Variants in SLC1A2 observed in about 807,000 individuals in gnomAD.
SLC1A2 encodes the protein excitatory amino acid transporter 2.
Under a neutral mutation model 48.8 loss-of-function variants are expected in SLC1A2, and 15 were observed. The observed-to-expected ratio is 0.31, with a 90% CI of 0.21 to 0.47. The LOEUF (loss-of-function observed/expected upper bound fraction) is 0.47, where lower values mean the gene tolerates loss of function less well. SLC1A2 is among the 20% of genes least tolerant of loss of function. The pLI, the probability that SLC1A2 is intolerant of heterozygous loss-of-function variation, is 0.99. For missense variants in SLC1A2, 502 were observed against 730.5 expected (o/e 0.69, Z 3.61); for synonymous variants, 279 against 272.6 (o/e 1.02, Z -0.23).
chr11:35,403,868 T>C (rs1283331835), intron 1 of SLC1A2, among the ~76,000 whole-genome samples: 3 of 152,262 alleles, frequency 2.0e-5, no homozygotes, highest in African/African-American at 7.2e-5. Flanking sequence ...AGAATCCTGA[T>C]TTTCCTGTTC....
intron 4 of SLC1A2, among the ~76,000 whole-genome samples, chr11:35,311,891 AGGGAGG>A (rs1289313274): frequency 1.0e-4 from 7 of 69,052 alleles, no homozygotes; most frequent in Middle Eastern, 0.013. Context: ...AGAGAGAGAG[AGGGAGG>A]GAGAGAGAGA....
At chr11:35,318,697 A>ACC (rs1177171358) in intron 1 of SLC1A2, among the ~76,000 whole-genome samples, 1 of 152,182 alleles carries the variant, frequency 6.6e-6, no homozygotes, top group East Asian at 1.9e-4. Flanking sequence ...TGGGGTGTAG[A>ACC]AAGAAATGCC....
intron 1 of SLC1A2, among the ~76,000 whole-genome samples, chr11:35,346,928 A>C (rs147215812): frequency 2.6e-5 from 4 of 152,370 alleles, no homozygotes; most frequent in Admixed American, 6.5e-5. Flanking sequence ...TCTGTAGGCA[A>C]GGAGCTGGGA....
intron 1 of SLC1A2, among the ~76,000 whole-genome samples, chr11:35,407,750 T>C (rs1430901804): frequency 3.3e-5 from 5 of 152,196 alleles, no homozygotes; most frequent in Admixed American, 3.3e-4. Context: ...TCAAGTCACC[T>C]GCTCACTCTT....
At chr11:35,378,137 C>T (rs1200061278) in intron 1 of SLC1A2, among the ~76,000 whole-genome samples, 1 of 152,250 alleles carries the variant, frequency 6.6e-6, no homozygotes, top group Non-Finnish European at 1.5e-5. Context: ...TGCCTCCCAT[C>T]CCAAAAGCCC....
chr11:35,356,996 C>T (rs536853484), intron 1 of SLC1A2, among the ~76,000 whole-genome samples: 18 of 152,070 alleles, frequency 1.2e-4, no homozygotes, highest in African/African-American at 1.9e-4. Flanking sequence ...AATCCCAGCA[C>T]GCTGGGAGGT....
chr11:35,354,334 C>G (rs988278814), intron 1 of SLC1A2, among the ~76,000 whole-genome samples: 1 of 152,002 alleles, frequency 6.6e-6, no homozygotes, highest in African/African-American at 2.4e-5. Flanking sequence ...ATGGTGCACA[C>G]CTGGAGTCCC....
At chr11:35,344,356 A>G (rs1380427562) in intron 1 of SLC1A2, among the ~76,000 whole-genome samples, 1 of 152,224 alleles carries the variant, frequency 6.6e-6, no homozygotes, top group Non-Finnish European at 1.5e-5. Flanking sequence ...TACAGTGACC[A>G]TGTGGATCTT....
chr11:35,277,356 T>C (rs1405527235), intron 9 of SLC1A2, among the ~76,000 whole-genome samples: 1 of 152,228 alleles, frequency 6.6e-6, no homozygotes, highest in Non-Finnish European at 1.5e-5. Flanking sequence ...CTGCTGTGCA[T>C]CAGGCAAAAG....
chr11:35,286,356 G>A (rs1487281870), intron 8 of SLC1A2: 1 of 155,514 alleles, frequency 6.4e-6, no homozygotes, highest in African/African-American at 2.4e-5. Flanking sequence ...AGCTGATGTT[G>A]GCCTCAGTTA....
At chr11:35,400,880 G>A (rs1423383450) in intron 1 of SLC1A2, among the ~76,000 whole-genome samples, 1 of 152,184 alleles carries the variant, frequency 6.6e-6, no homozygotes, top group Non-Finnish European at 1.5e-5. Flanking sequence ...CAAGGGGGTT[G>A]GGCTATGGCT....
chr11:35,374,199 G>T, intron 1 of SLC1A2: 1 of 492,514 alleles, frequency 2.0e-6, no homozygotes, highest in Non-Finnish European at 3.6e-6. Flanking sequence ...AGCCTCCCTC[G>T]CTCTGTGACT....
intron 1 of SLC1A2, among the ~76,000 whole-genome samples, chr11:35,386,234 C>G (rs2135222542): frequency 6.6e-6 from 1 of 152,100 alleles, no homozygotes; most frequent in East Asian, 1.9e-4. Context: ...TGAACCTTAA[C>G]CATGTTCCCT....
intron 4 of SLC1A2, among the ~76,000 whole-genome samples, chr11:35,309,239 T>A (rs576810296): frequency 1.3e-5 from 2 of 152,246 alleles, no homozygotes; most frequent in South Asian, 4.2e-4. Context: ...TTGGTCTACC[T>A]CCCTCCCCTT....
At chr11:35,339,698 G>A (rs573767009) in intron 1 of SLC1A2, among the ~76,000 whole-genome samples, 6 of 152,118 alleles carry the variant, frequency 3.9e-5, no homozygotes, top group Non-Finnish European at 8.8e-5. Flanking sequence ...TGGAGGGATG[G>A]ATATTGGACA....
chr11:35,360,784 T>C (rs1055349682), intron 1 of SLC1A2, among the ~76,000 whole-genome samples: 1 of 152,330 alleles, frequency 6.6e-6, no homozygotes, highest in Middle Eastern at 3.4e-3. Context: ...TCACCTTCCA[T>C]GGCTTCCATA....
chr11:35,356,498 G>A (rs1225045224), intron 1 of SLC1A2, among the ~76,000 whole-genome samples: 2 of 152,240 alleles, frequency 1.3e-5, no homozygotes, highest in Non-Finnish European at 2.9e-5. Flanking sequence ...ACCCTGGGCA[G>A]AAGGCCCTTG....
At chr11:35,359,645 T>C (rs1172101664) in intron 1 of SLC1A2, among the ~76,000 whole-genome samples, 3 of 152,238 alleles carry the variant, frequency 2.0e-5, no homozygotes, top group Non-Finnish European at 4.4e-5. Flanking sequence ...ATAACTCTGG[T>C]TCTTCCATTA....
chr11:35,310,831 T>TA (rs913551914), intron 4 of SLC1A2, among the ~76,000 whole-genome samples: 8 of 152,208 alleles, frequency 5.3e-5, no homozygotes, highest in African/African-American at 1.9e-4. Context: ...TCACCTGTTT[T>TA]AAAAAAATCT....
Sources: gnomAD v4.1 joint callset for allele counts (sites outside exome capture counted in the v4.1 genomes callset) on GRCh38, gnomAD v4.1.1 for gene constraint, MANE v1.5 for transcripts, NCBI Gene and HGNC (gene_info 2026-07-23, HGNC 2026-07-21) for gene names.